The following TMEM242 variants were observed in gnomAD, a reference collection of about 807,000 sequenced individuals.
The protein encoded by TMEM242 is UPF0463 transmembrane protein C6orf35.
In TMEM242, 10 loss-of-function variants were observed where a neutral mutation model predicts 18.2. The observed-to-expected ratio is 0.55, with a 90% CI of 0.34 to 0.93. TMEM242 has a LOEUF of 0.93. TMEM242 is among the 40% of genes least tolerant of loss of function. The pLI, the probability that TMEM242 is intolerant of heterozygous loss-of-function variation, is 0.02. For synonymous variants in TMEM242, 57 were observed against 69.9 expected (o/e 0.81, Z 0.92); for missense variants, 186 against 175.5 (o/e 1.06, Z -0.34).
At chr6:157,323,112 G>A (rs587700246) in intron 1 of TMEM242, among the ~76,000 whole-genome samples, 1 of 152,276 alleles carries the variant, frequency 6.6e-6, no homozygotes, top group African/African-American at 2.4e-5. Flanking sequence ...ACGGGGAGGA[G>A]AAGAGACGAT....
Position 157,311,145 on chromosome 6 carries a change from T to A in TMEM242, c.327+7637A>T, listed in dbSNP as rs1778053444. Among the ~76,000 whole-genome samples the A allele has an allele frequency of 3.1e-4, 31 of 100,774 alleles. 1 individual carries two copies. The highest frequency in any genetic ancestry group is 6.9e-4 in the Admixed American group (7 of 10,156). The allele number at this position is 100,774 out of a possible 152,430, so 66.1% of individuals were successfully genotyped here. A position where few individuals can be genotyped will look rare whatever the true frequency, so the allele number is the denominator to read the frequency against. On this transcript the variant is annotated intron_variant, in intron 3 of 3. Transcript: ENST00000400788. Reference sequence around the variant, plus strand: ...CTAGCCCCATCATAGTGTCCCAGTGTGCACTCACCTAGCCCCATCATAGTG... The same window carrying A: ...CTAGCCCCATCATAGTGTCCCAGTGAGCACTCACCTAGCCCCATCATAGTG...
chr6:157,310,485 T>A (rs797024122), intron 3 of TMEM242, among the ~76,000 whole-genome samples: 7 of 5,216 alleles, frequency 1.3e-3, no homozygotes, highest in South Asian at 3.8e-3. Flanking sequence ...TGTGCTCACC[T>A]AGCCTCATCA....
At chr6:157,293,224 A>C (rs1554246951) in intron 3 of TMEM242, among the ~76,000 whole-genome samples, 1 of 152,076 alleles carries the variant, frequency 6.6e-6, no homozygotes, top group Non-Finnish European at 1.5e-5. Context: ...ATAACATAAA[A>C]CTTCACTCTT....
At position 157,312,892 on chromosome 6, in the gene TMEM242, C is replaced by G. The variant is rs1554249491; in HGVS notation, c.327+5890G>C. 2.0e-5 allele frequency among the ~76,000 whole-genome samples: 3 copies of G among 152,224 alleles called. No individual in the cohort carries two copies. In the East Asian group the frequency reaches 5.8e-4, roughly 29 times the overall value. ...CCAGTGTGCACTCACCTAGCCTCAT[C>G]ATAGTGTCCCACTGTGCGCTCACCC... On this transcript the variant is annotated intron_variant, in intron 3 of 3. Transcript: ENST00000400788.
At chr6:157,313,869 A>G (rs868930716) in intron 3 of TMEM242, among the ~76,000 whole-genome samples, 1,132 of 8,922 alleles carry the variant, frequency 0.13, 14 homozygotes, top group African/African-American at 0.28. Context: ...GCACTCCCCT[A>G]GCCTCATCAC....
chr6:157,320,456 T>A (rs1042086054), intron 2 of TMEM242, among the ~76,000 whole-genome samples: 5 of 152,154 alleles, frequency 3.3e-5, no homozygotes, highest in Non-Finnish European at 7.3e-5. Context: ...ATGTTTTACA[T>A]TTTTGTTAGT....
In TMEM242 at chr6:157,305,964, A is replaced by C. The variant is rs1429213366; in HGVS notation, c.327+12818T>G. ...CTTTTTGTGTAAAGGGGAGCAGATA[A>C]ATGGGCTGGTAGCTGGAGGAGGCTA... On this transcript the variant is annotated intron_variant, in intron 3 of 3. Coordinates refer to ENST00000400788, the MANE Select transcript of TMEM242 (RefSeq NM_018452.6). The surrounding 1 kb of genome is among the most constrained non-coding windows in gnomAD (Gnocchi z 4.1). 6.6e-6 allele frequency among the ~76,000 whole-genome samples: 1 copy of C among 152,130 alleles called. No homozygotes were observed. Among genetic ancestry groups the C allele is most frequent in the Non-Finnish European group, 1.5e-5 (1 of 68,018 alleles).
chr6:157,312,230 G>C (rs1329088779), intron 3 of TMEM242, among the ~76,000 whole-genome samples: 3 of 149,892 alleles, frequency 2.0e-5, no homozygotes, highest in African/African-American at 7.4e-5. Flanking sequence ...TAGTGCCCCA[G>C]TGTACACTCA....
intron 3 of TMEM242, among the ~76,000 whole-genome samples, chr6:157,298,157 T>C (rs1275347126): frequency 6.6e-6 from 1 of 152,222 alleles, no homozygotes; most frequent in Non-Finnish European, 1.5e-5. Flanking sequence ...AGGAGGCTCT[T>C]AGAGCCAGGG....
At chr6:157,300,190 G>C (rs1777808814) in intron 3 of TMEM242, 1 of 475,826 alleles carries the variant, frequency 2.1e-6, no homozygotes, top group Non-Finnish European at 3.9e-6. Flanking sequence ...ACGTCGCAAC[G>C]CCAAGAGAGC....
At chr6:157,312,549 C>T (rs868935558) in intron 3 of TMEM242, among the ~76,000 whole-genome samples, 2 of 145,172 alleles carry the variant, frequency 1.4e-5, no homozygotes, top group African/African-American at 2.6e-5. Context: ...CAGCTAGCCT[C>T]ATCATAGTGC....
chr6:157,312,380 C>T (rs1234996517), intron 3 of TMEM242, among the ~76,000 whole-genome samples: 2 of 137,196 alleles, frequency 1.5e-5, no homozygotes, highest in African/African-American at 2.8e-5. Context: ...CTCACCTGCC[C>T]TCATCATAGT....
rs587688550 is a variant in TMEM242 at position 157,323,311 on chromosome 6, G to A, written c.88+101C>T. 4.4e-5 allele frequency: 57 copies of A among 1,292,570 alleles called. No homozygotes were observed. The East Asian group carries it at 1.3e-3, about 30-fold the overall frequency. The allele number at this position is 1,292,570 out of a possible 1,614,324, so 80.1% of individuals were successfully genotyped here. A position where few individuals can be genotyped will look rare whatever the true frequency, so the allele number is the denominator to read the frequency against. ...ACTCAGGGGCAAGCACAAGCTAAGG[G>A]CTCTCAGAGCGGGATGTGTGTGGGA... On this transcript the variant is annotated intron_variant, in intron 1 of 3. Transcript: ENST00000400788.
chr6:157,291,387 A>C lies in TMEM242; in HGVS notation c.*1514T>G, dbSNP rs1777682482. ...GCACGTTGGAAACCCACATTTATGA[A>C]GCACAAAAGGATCAGGCGGTGCCCA... On this transcript the variant is annotated 3_prime_UTR_variant, in exon 4 of 4. Transcript: ENST00000400788. 6.6e-6 allele frequency: 1 copy of C among 152,258 alleles called. No individual in the cohort carries two copies. The highest frequency in any genetic ancestry group is 1.5e-5 in the Non-Finnish European group (1 of 68,048). 9.4% of individuals were successfully genotyped at this position (152,258 alleles called of 1,614,324 possible).
intron 3 of TMEM242, among the ~76,000 whole-genome samples, chr6:157,314,403 C>G (rs1778345956): frequency 7.4e-6 from 1 of 134,926 alleles, no homozygotes; most frequent in Non-Finnish European, 1.6e-5. Context: ...ATTTAGGAGA[C>G]TACAAACCCA....
chr6:157,314,301 C>G (rs1554250098), intron 3 of TMEM242, among the ~76,000 whole-genome samples: 10,935 of 101,124 alleles, frequency 0.11, no homozygotes, highest in Admixed American at 0.13. Flanking sequence ...GCAGTGTGCA[C>G]TCACCTGGCC....
At chr6:157,323,373 C>G in intron 1 of TMEM242, 39 bp downstream of exon 1, 1 of 1,599,720 alleles carries the variant, frequency 6.3e-7, no homozygotes, top group Non-Finnish European at 8.6e-7. Context: ...CCGGGGTTAA[C>G]TCACCCCGAC....
chr6:157,312,044 TCATCATAGTGTCCCAGTGTGCGCTC>T, intron 3 of TMEM242, among the ~76,000 whole-genome samples: 1 of 83,142 alleles, frequency 1.2e-5, no homozygotes, highest in Non-Finnish European at 2.3e-5. Flanking sequence ...TCAACCGGCC[TCATCATAGTGTCCCAGTGTGCGCTC>T]ACCTAGCCTC....
intron 3 of TMEM242, among the ~76,000 whole-genome samples, chr6:157,304,265 A>G (rs1261085124): frequency 6.6e-6 from 1 of 152,020 alleles, no homozygotes; most frequent in Non-Finnish European, 1.5e-5. Flanking sequence ...CAGGCATTCC[A>G]CACCAGCCTG....
Sources: gnomAD v4.1 joint callset for allele counts (sites outside exome capture counted in the v4.1 genomes callset) on GRCh38, gnomAD v4.1.1 for gene constraint, Gnocchi (gnomAD v3.1) non-coding constraint, MANE v1.5 for transcripts, NCBI Gene and HGNC (gene_info 2026-07-23, HGNC 2026-07-21) for gene names.